The following DSE variants were observed in gnomAD, a reference collection of about 807,000 sequenced individuals.
The protein encoded by DSE is dermatan sulfate epimerase.
A neutral mutation model predicts 84.4 loss-of-function variants in DSE; 36 were observed. The observed-to-expected ratio is 0.43, with a 90% CI of 0.33 to 0.56. The LOEUF (loss-of-function observed/expected upper bound fraction) is 0.56, where lower values mean the gene tolerates loss of function less well. DSE is among the 20% of genes least tolerant of loss of function. The pLI is 0.06. For synonymous variants in DSE, 410 were observed against 430.1 expected, an observed-to-expected ratio of 0.95 and a Z score of 0.58; for missense variants, 862 against 1,169.6, an observed-to-expected ratio of 0.74 and a Z score of 3.84.
chr6:116,287,025 C>T (rs1773952650), intron 2 of DSE, among the ~76,000 whole-genome samples: 1 of 152,112 alleles, frequency 6.6e-6, no homozygotes, highest in Admixed American at 6.6e-5. Context: ...AATTTCTGGA[C>T]AAACTAAAGA....
chr6:116,279,599 C>G (rs778647953), intron 2 of DSE: 1 of 1,602,200 alleles, frequency 6.2e-7, no homozygotes. Flanking sequence ...GGAGTACCGC[C>G]ACGGCCCGCG....
At chr6:116,316,313 A>G (rs1775975639) in intron 2 of DSE, among the ~76,000 whole-genome samples, 1 of 152,094 alleles carries the variant, frequency 6.6e-6, no homozygotes, top group South Asian at 2.1e-4. Context: ...TCTTTCTATA[A>G]TGATTTTCCA....
chr6:116,361,973 TATACATA>T (rs1778923716), intron 2 of DSE, among the ~76,000 whole-genome samples: 1 of 152,218 alleles, frequency 6.6e-6, no homozygotes, highest in Non-Finnish European at 1.5e-5. Flanking sequence ...TATTGTATTA[TATACATA>T]TTTTGTATAT....
At chr6:116,263,544 G>GGT (rs1772501251) in intron 2 of DSE, among the ~76,000 whole-genome samples, 1 of 152,116 alleles carries the variant, frequency 6.6e-6, no homozygotes, top group East Asian at 1.9e-4. Flanking sequence ...AATAAGTCTT[G>GGT]ATTCTTTATC....
At chr6:116,386,348 A>G (rs1363065548) in intron 1 of DSE, among the ~76,000 whole-genome samples, 2 of 152,262 alleles carry the variant, frequency 1.3e-5, no homozygotes, top group African/African-American at 4.8e-5. Flanking sequence ...CAAGACCACC[A>G]TCAGCCTTGG....
At chr6:116,416,756 A>G (rs1217978319) in intron 2 of DSE, among the ~76,000 whole-genome samples, 1 of 151,874 alleles carries the variant, frequency 6.6e-6, no homozygotes, top group Non-Finnish European at 1.5e-5. Context: ...GACTACTGAC[A>G]ATTGCTAACT....
Position 116,433,327 on chromosome 6 carries a change from C to A in DSE, c.911-16C>A. The A allele has an allele frequency of 6.5e-7, 1 of 1,549,584 alleles. No homozygotes were observed. The highest frequency in any genetic ancestry group is 8.7e-7 in the Non-Finnish European group (1 of 1,146,378). ...GTTTTCAAAGTATCTTAATTCTTTC[C>A]AACTTATTTCCCTAGGGTTTCAAAG... On this transcript the variant is annotated splice_polypyrimidine_tract_variant and intron_variant, in intron 4 of 5. Coordinates refer to ENST00000644252, the MANE Select transcript of DSE (RefSeq NM_013352.4).
chr6:116,431,238 T>C, intron 4 of DSE, 45 bp downstream of exon 4: 1 of 1,598,366 alleles, frequency 6.3e-7, no homozygotes, highest in Non-Finnish European at 8.5e-7. Context: ...ACTATTGTAA[T>C]TTTTTCTGAT....
chr6:116,275,640 A>T (rs1773100669), intron 2 of DSE, among the ~76,000 whole-genome samples: 1 of 152,102 alleles, frequency 6.6e-6, no homozygotes, highest in South Asian at 2.1e-4. Flanking sequence ...CTCTACTAAA[A>T]ATACAAAAAA....
At chr6:116,372,684 C>A (rs1439037039) in intron 1 of DSE, among the ~76,000 whole-genome samples, 1 of 152,102 alleles carries the variant, frequency 6.6e-6, no homozygotes, top group East Asian at 1.9e-4. Context: ...AAGTTCTTTT[C>A]TGAAGTATGT....
chr6:116,410,038 A>C (rs1782208497), intron 2 of DSE, among the ~76,000 whole-genome samples: 1 of 152,202 alleles, frequency 6.6e-6, no homozygotes, highest in Non-Finnish European at 1.5e-5. Context: ...CTTGTCTACT[A>C]TATAAAGGAG....
chr6:116,259,198 T>A lies in DSE; in HGVS notation c.-54+231T>A, dbSNP rs566209700. On this transcript the variant is annotated intron_variant, in intron 2 of 3. Transcript: ENST00000430252. ...CACAGACAGGAAGAGCAAACTTACT[T>A]GTAATTTAAAGGAAAAATAAAAGGA... The A allele has an allele frequency of 2.9e-5, 19 of 658,798 alleles. No homozygotes were observed. The African/African-American group carries it at 3.5e-4, about 12-fold the overall frequency. 40.8% of individuals were successfully genotyped at this position (658,798 alleles called of 1,614,324 possible).
At chr6:116,420,454 T>C (rs2115047146) in intron 2 of DSE, among the ~76,000 whole-genome samples, 1 of 152,232 alleles carries the variant, frequency 6.6e-6, no homozygotes. Flanking sequence ...GCTTGCCTTA[T>C]CCCCACACCA....
At chr6:116,356,317 T>C (rs1251740848) in intron 2 of DSE, among the ~76,000 whole-genome samples, 1 of 152,208 alleles carries the variant, frequency 6.6e-6, no homozygotes, top group Non-Finnish European at 1.5e-5. Context: ...AAAGCTATGA[T>C]ATCTAATATG....
At chr6:116,289,142 A>G (rs1163424164) in intron 2 of DSE, among the ~76,000 whole-genome samples, 2 of 152,086 alleles carry the variant, frequency 1.3e-5, no homozygotes, top group Admixed American at 1.3e-4. Flanking sequence ...GTTAGTTGAA[A>G]AATATGTGTA....
intron 2 of DSE, among the ~76,000 whole-genome samples, chr6:116,284,342 A>G (rs1230069571): frequency 6.6e-6 from 1 of 152,162 alleles, no homozygotes; most frequent in Non-Finnish European, 1.5e-5. Context: ...TAAGAACCCC[A>G]TGAGGTAATT....
rs140764351 is a variant in DSE at position 116,436,812 on chromosome 6, G to T, written c.2344G>T (p.Asp782Tyr). The change falls in exon 6 of 6, where the codon GAT becomes TAT. Residue 782 changes from aspartate (D) to tyrosine (Y), a missense_variant. Physicochemically the swap from Asp to Tyr is radical, Grantham distance 160 (BLOSUM62 -3). This residue lies in a region of DSE where 315 missense variants were observed against 348.1 expected (regional missense o/e 0.90). Transcript: ENST00000644252. ...KTAERLLRFS[D>Y]KRQTEEAIDR... is the part of the protein sequence containing the mutation. ...TGCTGAACGCCTGCTGAGATTTTCA[G>T]ATAAGAGACAGACTGAGGAGGCCAT... 172 of 1,614,026 alleles carry T rather than the reference G, an allele frequency of 1.1e-4. No individual in the cohort carries two copies. Among genetic ancestry groups the T allele is most frequent in the Non-Finnish European group, 1.4e-4 (170 of 1,180,026 alleles).
intron 1 of DSE, among the ~76,000 whole-genome samples, chr6:116,393,738 C>G (rs1781055751): frequency 6.6e-6 from 1 of 152,166 alleles, no homozygotes; most frequent in Admixed American, 6.5e-5. Context: ...AAATTTGGCA[C>G]ATATTATAAG....
chr6:116,294,327 A>C (rs1480904687), intron 2 of DSE, among the ~76,000 whole-genome samples: 1 of 152,178 alleles, frequency 6.6e-6, no homozygotes, highest in Admixed American at 6.6e-5. Flanking sequence ...CTGGCCAAAA[A>C]TGATTTTATA....
Sources: allele counts gnomAD v4.1 joint callset (sites outside exome capture counted in the v4.1 genomes callset), GRCh38; gene constraint gnomAD v4.1.1; regional missense constraint gnomAD v4.1.1; transcripts MANE v1.5; gene names NCBI Gene and HGNC (gene_info 2026-07-23, HGNC 2026-07-21).